CLASP1: variants seen among roughly 807,000 people sequenced by gnomAD.
CLASP1 encodes the protein cytoplasmic linker associated protein 1.
Under a neutral mutation model 192.3 loss-of-function variants are expected in CLASP1, and 38 were observed. The observed-to-expected ratio is 0.20, with a 90% confidence interval of 0.15 to 0.26. The LOEUF (loss-of-function observed/expected upper bound fraction) is 0.26. Ranked by LOEUF, CLASP1 falls within the 10% of genes least tolerant of loss-of-function variation. CLASP1 has a pLI of 1.00. For synonymous variants in CLASP1, 691 were observed against 712.8 expected (o/e 0.97, Z 0.49); for missense variants, 1,433 against 1,932.5 (o/e 0.74, Z 4.85).
At chr2:121,428,941 G>T (rs181327010) in intron 20 of CLASP1, among the ~76,000 whole-genome samples, 1 of 152,154 alleles carries the variant, frequency 6.6e-6, no homozygotes, top group Non-Finnish European at 1.5e-5. Context: ...AAGGTTAAAA[G>T]ACTCACCCAA....
intron 2 of CLASP1, among the ~76,000 whole-genome samples, chr2:121,600,300 C>T (rs969805715): frequency 2.6e-5 from 4 of 152,248 alleles, no homozygotes; most frequent in East Asian, 3.9e-4. Flanking sequence ...CCCTTGAGTG[C>T]AAAAACCACC....
At chr2:121,537,765 T>C (rs2104946250) in intron 2 of CLASP1, among the ~76,000 whole-genome samples, 1 of 152,356 alleles carries the variant, frequency 6.6e-6, no homozygotes, top group Admixed American at 6.5e-5. Flanking sequence ...TAAATTCAAT[T>C]TTAGTGACTG....
chr2:121,378,328 C>A (rs2070767107), intron 33 of CLASP1, among the ~76,000 whole-genome samples: 1 of 152,174 alleles, frequency 6.6e-6, no homozygotes, highest in Non-Finnish European at 1.5e-5. Context: ...TAAAAAGTCA[C>A]ATTCCTGGAT....
chr2:121,529,720 T>C (rs1256471148), intron 3 of CLASP1, among the ~76,000 whole-genome samples: 1 of 152,234 alleles, frequency 6.6e-6, no homozygotes, highest in Admixed American at 6.5e-5. Flanking sequence ...ACATTTGTAA[T>C]GACATTTACA....
At chr2:121,478,763 CACACA>C (rs2092082358) in intron 8 of CLASP1, among the ~76,000 whole-genome samples, 2 of 78,416 alleles carry the variant, frequency 2.6e-5, no homozygotes, top group Non-Finnish European at 2.5e-5. Context: ...ACACACACAC[CACACA>C]CCCCACACAC....
chr2:121,420,756 A>G (rs2079351169), intron 22 of CLASP1, among the ~76,000 whole-genome samples: 1 of 152,248 alleles, frequency 6.6e-6, no homozygotes, highest in African/African-American at 2.4e-5. Context: ...CATTTTCTTA[A>G]TAGTTCTTGC....
intron 33 of CLASP1, among the ~76,000 whole-genome samples, chr2:121,380,925 G>A (rs2071487208): frequency 6.6e-6 from 1 of 152,184 alleles, no homozygotes; most frequent in Admixed American, 6.5e-5. Context: ...CTTGATGGCT[G>A]GCTGGTGGTG....
intron 39 of CLASP1, among the ~76,000 whole-genome samples, chr2:121,342,103 A>G (rs927319901): frequency 6.6e-6 from 1 of 152,194 alleles, no homozygotes; most frequent in Admixed American, 6.5e-5. Context: ...AAGGTAAACT[A>G]GAAGACATAT....
At chr2:121,389,575 A>T (rs907667253) in intron 30 of CLASP1, among the ~76,000 whole-genome samples, 44 of 152,276 alleles carry the variant, frequency 2.9e-4, no homozygotes, top group Admixed American at 5.2e-4. Flanking sequence ...AAACACATCA[A>T]TTTAATTAAA....
chr2:121,527,517 G>A (rs1033098289), intron 5 of CLASP1, among the ~76,000 whole-genome samples: 1 of 152,190 alleles, frequency 6.6e-6, no homozygotes, highest in African/African-American at 2.4e-5. Flanking sequence ...CAGCATGAAG[G>A]AGCCCGGCAG....
At chr2:121,576,432 G>A (rs2105487399) in intron 2 of CLASP1, among the ~76,000 whole-genome samples, 1 of 152,338 alleles carries the variant, frequency 6.6e-6, no homozygotes, top group East Asian at 1.9e-4. Flanking sequence ...GGTAGCTTGA[G>A]TATAGTGCAA....
At chr2:121,480,672 T>C (rs2092520431) in intron 8 of CLASP1, among the ~76,000 whole-genome samples, 1 of 152,234 alleles carries the variant, frequency 6.6e-6, no homozygotes, top group Admixed American at 6.5e-5. Context: ...CTATGAAATG[T>C]GCTGCCCACC....
At chr2:121,552,121 G>A (rs1271873032) in intron 2 of CLASP1, among the ~76,000 whole-genome samples, 1 of 152,198 alleles carries the variant, frequency 6.6e-6, no homozygotes, top group Non-Finnish European at 1.5e-5. Flanking sequence ...ATGGTGCTGA[G>A]ATAACTGGCT....
At chr2:121,399,738 C>A (rs1300856389) in intron 28 of CLASP1, among the ~76,000 whole-genome samples, 1 of 152,182 alleles carries the variant, frequency 6.6e-6, no homozygotes, top group African/African-American at 2.4e-5. Flanking sequence ...CAGGAGGTCA[C>A]AATTGTATTC....
chr2:121,447,889 T>C (rs894143561), intron 18 of CLASP1, among the ~76,000 whole-genome samples: 1 of 152,182 alleles, frequency 6.6e-6, no homozygotes, highest in Non-Finnish European at 1.5e-5. Flanking sequence ...CTCCTCTTTC[T>C]GGAACATGCC....
At chr2:121,552,575 T>C (rs2058139539) in intron 2 of CLASP1, among the ~76,000 whole-genome samples, 2 of 152,072 alleles carry the variant, frequency 1.3e-5, no homozygotes, top group South Asian at 2.1e-4. Context: ...GCAGCCAACA[T>C]GTAGGCATAT....
intron 8 of CLASP1, among the ~76,000 whole-genome samples, chr2:121,489,713 A>AT (rs1174119105): frequency 1.3e-5 from 2 of 152,200 alleles, no homozygotes; most frequent in African/African-American, 4.8e-5. Context: ...AATCAAGAAG[A>AT]TTTTTTGTGA....
At chr2:121,517,987 C>G (rs2094355994) in intron 6 of CLASP1, among the ~76,000 whole-genome samples, 1 of 141,450 alleles carries the variant, frequency 7.1e-6, no homozygotes, top group Non-Finnish European at 1.5e-5. Context: ...AGTTCGAGTT[C>G]AGGCAAGTTC....
chr2:121,369,591 T>C (rs990568481), intron 34 of CLASP1, among the ~76,000 whole-genome samples: 1 of 152,168 alleles, frequency 6.6e-6, no homozygotes, highest in African/African-American at 2.4e-5. Context: ...AACAAAACCT[T>C]ACTCCCTCAG....
Sources: gnomAD v4.1 joint callset for allele counts (sites outside exome capture counted in the v4.1 genomes callset) on GRCh38, gnomAD v4.1.1 for gene constraint, MANE v1.5 for transcripts, NCBI Gene and HGNC (gene_info 2026-07-23, HGNC 2026-07-21) for gene names.